The following RBFOX3 variants were observed in gnomAD, a reference collection of about 807,000 sequenced individuals.
The protein encoded by RBFOX3 is RNA binding fox-1 homolog 3.
A neutral mutation model predicts 48.7 loss-of-function variants in RBFOX3; 17 were observed. The ratio of observed to expected loss-of-function variants is 0.35; its 90% CI spans 0.24 to 0.52. The LOEUF is 0.52. Ranked by LOEUF, RBFOX3 falls within the 20% of genes least tolerant of loss-of-function variation. RBFOX3 has a pLI of 0.94. For synonymous variants in RBFOX3, 212 were observed against 209.5 expected, an observed-to-expected ratio of 1.01 and a Z score of -0.10; for missense variants, 382 against 497.5, an observed-to-expected ratio of 0.77 and a Z score of 2.21.
intron 4 of RBFOX3, among the ~76,000 whole-genome samples, chr17:79,185,377 G>A (rs1216024904): frequency 6.6e-6 from 1 of 152,186 alleles, no homozygotes; most frequent in African/African-American, 2.4e-5. Flanking sequence ...GGGTCCCAGC[G>A]CAAGGGCCGG....
At chr17:79,425,494 G>C (rs977013238) in intron 2 of RBFOX3, among the ~76,000 whole-genome samples, 3 of 152,246 alleles carry the variant, frequency 2.0e-5, no homozygotes, top group African/African-American at 7.2e-5. Context: ...GCCAAGGATG[G>C]TGCCCTAAAA....
At chr17:79,333,233 G>A (rs1296103761) in intron 2 of RBFOX3, among the ~76,000 whole-genome samples, 1 of 152,132 alleles carries the variant, frequency 6.6e-6, no homozygotes, top group Admixed American at 6.5e-5. Flanking sequence ...CCTCAGTGAG[G>A]CCTGCACCCA....
At chr17:79,213,014 C>T (rs539449282) in intron 4 of RBFOX3, among the ~76,000 whole-genome samples, 6 of 151,558 alleles carry the variant, frequency 4.0e-5, no homozygotes, top group African/African-American at 7.2e-5. Context: ...GCCTGTAATG[C>T]CCAGCTAATT....
Position 79,254,329 on chromosome 17 carries a change from C to T in RBFOX3, c.-73-18524G>A, listed in dbSNP as rs1467582475. 2.6e-5 allele frequency among the ~76,000 whole-genome samples: 4 copies of T among 152,138 alleles called. No individual in the cohort carries two copies. ...TCAGAACCCTGCCCACCCCGCAACC[C>T]CCAGGTGGCAGCAGGTGAGGAACCT... On this transcript the variant is annotated intron_variant, in intron 3 of 14. Transcript: ENST00000693108. The surrounding 1 kb of genome is among the most constrained non-coding windows in gnomAD (Gnocchi z 4.8).
At chr17:79,150,015 T>TGGGGGTTGAGGGTGGGGGGGGGGGGG (rs2044009902) in intron 4 of RBFOX3, among the ~76,000 whole-genome samples, 1 of 15,724 alleles carries the variant, frequency 6.4e-5, no homozygotes, top group African/African-American at 2.9e-4. Flanking sequence ...GGGATGGGGA[T>TGGGGGTTGAGGGTGGGGGGGGGGGGG]GGGGGTTGAG....
chr17:79,645,169 C>A, the RBFOX3 span, among the ~76,000 whole-genome samples: 3 of 152,082 alleles, frequency 2.0e-5, no homozygotes, highest in Admixed American at 6.5e-5. Context: ...CGAACGGTCT[C>A]CCCACATCCA....
upstream of RBFOX3, among the ~76,000 whole-genome samples, chr17:79,611,169 T>TCTCTCTCG: frequency 1.9e-3 from 48 of 25,922 alleles, 6 homozygotes; most frequent in Admixed American, 3.7e-3. Context: ...TCTCTCTCTC[T>TCTCTCTCG]CTCTCCGCCC....
intron 4 of RBFOX3, among the ~76,000 whole-genome samples, chr17:79,124,043 G>A (rs2036496170): frequency 6.6e-6 from 1 of 152,208 alleles, no homozygotes; most frequent in Non-Finnish European, 1.5e-5. Context: ...AACACAGCAG[G>A]CAGGGAAGCG....
chr17:79,436,335 G>C (rs189005103), intron 2 of RBFOX3, among the ~76,000 whole-genome samples: 1 of 152,278 alleles, frequency 6.6e-6, no homozygotes, highest in Non-Finnish European at 1.5e-5. Context: ...GCTTGTGTGT[G>C]CACATACTTG....
chr17:79,516,845 G>A (rs1353367328), intron 1 of RBFOX3, among the ~76,000 whole-genome samples: 3 of 152,166 alleles, frequency 2.0e-5, no homozygotes, highest in Non-Finnish European at 4.4e-5. Flanking sequence ...AATATGGATG[G>A]ACCTCGAAAA....
At chr17:79,546,858 C>T (rs949631855) in intron 1 of RBFOX3, among the ~76,000 whole-genome samples, 19 of 151,550 alleles carry the variant, frequency 1.3e-4, no homozygotes, top group African/African-American at 4.4e-4. Flanking sequence ...TTAGTAGAGG[C>T]GGGGTTTCTC....
At chr17:79,404,345 C>CA (rs34912737) in intron 2 of RBFOX3, among the ~76,000 whole-genome samples, 102,577 of 152,034 alleles carry the variant, frequency 0.67, 34,745 homozygotes, top group South Asian at 0.76. Context: ...TTGAGGTGAG[C>CA]AGTCTACACT....
In RBFOX3 at chr17:79,097,147, G is replaced by A. The variant is rs900443521; in HGVS notation, c.755+145C>T. 7 of 729,352 alleles carry A rather than the reference G, an allele frequency of 9.6e-6. No homozygotes were observed. The African/African-American group carries it at 1.1e-4, about 11-fold the overall frequency. 45.2% of individuals were successfully genotyped at this position (729,352 alleles called of 1,614,324 possible). On this transcript the variant is annotated intron_variant, in intron 11 of 14. Coordinates refer to ENST00000693108, the MANE Select transcript of RBFOX3 (RefSeq NM_001350451.2). ...TGAAGATAATGGAGGCAGCTGCAGG[G>A]CTGAGTTCTGGGGCTCCCACGATCC...
intron 3 of RBFOX3, among the ~76,000 whole-genome samples, chr17:79,268,159 T>A (rs1567948327): frequency 1.9e-5 from 1 of 52,956 alleles, no homozygotes; most frequent in African/African-American, 3.6e-5. Flanking sequence ...GAGAGTGGCT[T>A]CTCGTCTGCG....
At chr17:79,200,463 G>A (rs1280245944) in intron 4 of RBFOX3, among the ~76,000 whole-genome samples, 2 of 152,358 alleles carry the variant, frequency 1.3e-5, no homozygotes, top group South Asian at 2.1e-4. Context: ...CCCACAGACA[G>A]AGTCACAAGA....
the RBFOX3 span, among the ~76,000 whole-genome samples, chr17:79,644,797 G>C: frequency 6.6e-6 from 1 of 152,174 alleles, no homozygotes; most frequent in Non-Finnish European, 1.5e-5. Flanking sequence ...TATGTAAGCA[G>C]AGAATTCCAT....
intron 4 of RBFOX3, among the ~76,000 whole-genome samples, chr17:79,137,631 G>A (rs1432079713): frequency 6.6e-6 from 1 of 151,928 alleles, no homozygotes; most frequent in East Asian, 2.0e-4. Context: ...CAAGCTGCTG[G>A]CGCCTGGCCT....
chr17:79,209,098 C>T (rs557721756), intron 4 of RBFOX3, among the ~76,000 whole-genome samples: 40 of 152,266 alleles, frequency 2.6e-4, no homozygotes, highest in African/African-American at 9.1e-4. Flanking sequence ...GGATTACAGG[C>T]GTGAGCCACC....
At chr17:79,548,897 C>A (rs1430711960) in intron 1 of RBFOX3, among the ~76,000 whole-genome samples, 1 of 152,248 alleles carries the variant, frequency 6.6e-6, no homozygotes, top group Non-Finnish European at 1.5e-5. Flanking sequence ...CAAGTGCCAT[C>A]ACTCCCTCGC....
Sources: allele counts gnomAD v4.1 joint callset (sites outside exome capture counted in the v4.1 genomes callset), GRCh38; gene constraint gnomAD v4.1.1; non-coding constraint Gnocchi (gnomAD v3.1); transcripts MANE v1.5; gene names NCBI Gene and HGNC (gene_info 2026-07-23, HGNC 2026-07-21).